RB1: variants seen among roughly 807,000 people sequenced by gnomAD.
RB1 encodes RB transcriptional corepressor 1, also known as retinoblastoma-associated protein.
Under a neutral mutation model 135.4 loss-of-function variants are expected in RB1, and 18 were observed. The observed-to-expected ratio is 0.13, with a 90% CI of 0.09 to 0.20. The LOEUF (loss-of-function observed/expected upper bound fraction) is 0.20. Ranked by LOEUF, RB1 falls within the 10% of genes least tolerant of loss-of-function variation. The pLI is 1.00. For synonymous variants in RB1, 365 were observed against 373.2 expected, an observed-to-expected ratio of 0.98 and a Z score of 0.25; for missense variants, 868 against 1,110.0, an observed-to-expected ratio of 0.78 and a Z score of 3.10.
chr13:48,335,966 T>C (rs1215529455), intron 2 of RB1, among the ~76,000 whole-genome samples: 1 of 151,842 alleles, frequency 6.6e-6, no homozygotes, highest in Non-Finnish European at 1.5e-5. Context: ...AGAAACCCCA[T>C]GAAAAAGTTG....
intron 19 of RB1, among the ~76,000 whole-genome samples, chr13:48,457,547 G>T (rs920731324): frequency 3.9e-5 from 6 of 152,292 alleles, no homozygotes; most frequent in Middle Eastern, 3.4e-3. Context: ...GCCTTCAGGC[G>T]CTCCCTGGCC....
intron 17 of RB1, among the ~76,000 whole-genome samples, chr13:48,430,321 A>T (rs1949116055): frequency 6.6e-6 from 1 of 152,226 alleles, no homozygotes; most frequent in African/African-American, 2.4e-5. Flanking sequence ...TGAAAAAAAG[A>T]GGTAGACTTT....
intron 17 of RB1, among the ~76,000 whole-genome samples, chr13:48,392,631 G>C (rs1021251127): frequency 1.3e-4 from 20 of 151,810 alleles, no homozygotes; most frequent in Non-Finnish European, 2.8e-4. Context: ...TTTTTATTAT[G>C]TTTATGCTTT....
intron 17 of RB1, among the ~76,000 whole-genome samples, chr13:48,430,567 C>T (rs1220966817): frequency 2.0e-5 from 3 of 152,044 alleles, no homozygotes; most frequent in African/African-American, 7.2e-5. Context: ...TGGTGAAACC[C>T]CGTCTCTACT....
intron 2 of RB1, chr13:48,318,793 G>T: frequency 2.5e-6 from 2 of 795,512 alleles, no homozygotes; most frequent in Non-Finnish European, 4.3e-6. Context: ...GGCGGTGAAA[G>T]TGGGCCCTGG....
At chr13:48,348,894 GA>G in intron 5 of RB1, 61 bp from the exon 6 acceptor site, 1 of 1,559,798 alleles carries the variant, frequency 6.4e-7, no homozygotes, top group South Asian at 1.2e-5. Context: ...GATATATCTG[GA>G]AAACTTTCTT....
chr13:48,454,584 T>C (rs1225291601), intron 18 of RB1, among the ~76,000 whole-genome samples: 1 of 152,108 alleles, frequency 6.6e-6, no homozygotes. Flanking sequence ...ACACAGGCAA[T>C]GAACAAGTAA....
At chr13:48,435,134 A>C (rs1344536385) in intron 17 of RB1, among the ~76,000 whole-genome samples, 1 of 152,220 alleles carries the variant, frequency 6.6e-6, no homozygotes, top group Non-Finnish European at 1.5e-5. Context: ...AAAAGACTGC[A>C]AAAGTATTTT....
At chr13:48,437,753 T>A (rs1230619547) in intron 17 of RB1, among the ~76,000 whole-genome samples, 1 of 152,152 alleles carries the variant, frequency 6.6e-6, no homozygotes, top group Non-Finnish European at 1.5e-5. Flanking sequence ...AACTGCAGAT[T>A]TTTATAAATT....
intron 17 of RB1, among the ~76,000 whole-genome samples, chr13:48,403,213 T>G (rs961382254): frequency 2.0e-5 from 3 of 152,178 alleles, no homozygotes; most frequent in Non-Finnish European, 2.9e-5. Context: ...TAACTTGGAT[T>G]GTGCAATTGC....
chr13:48,311,444 A>G (rs1262444130), intron 2 of RB1, among the ~76,000 whole-genome samples: 1 of 152,334 alleles, frequency 6.6e-6, no homozygotes, highest in Non-Finnish European at 1.5e-5. Context: ...GGTATAGCCT[A>G]TGACACACCT....
At chr13:48,382,522 T>C (rs532689045) in intron 17 of RB1, among the ~76,000 whole-genome samples, 4,629 of 152,262 alleles carry the variant, frequency 0.03, 230 homozygotes, top group African/African-American at 0.1. Flanking sequence ...GTTCATATCT[T>C]TCACCCACTT....
At chr13:48,475,935 G>T (rs766196510) in intron 24 of RB1, among the ~76,000 whole-genome samples, 1 of 152,136 alleles carries the variant, frequency 6.6e-6, no homozygotes, top group Non-Finnish European at 1.5e-5. Context: ...ATTTTTGCTT[G>T]CCATAACCTC....
At chr13:48,317,829 C>T in intron 2 of RB1, 1 of 368,804 alleles carries the variant, frequency 2.7e-6, no homozygotes, top group Non-Finnish European at 5.2e-6. Context: ...TCCGCGTGCA[C>T]ACGCCAGGCG....
At chr13:48,318,467 G>A (rs1593421103) in intron 2 of RB1, 1 of 1,340,376 alleles carries the variant, frequency 7.5e-7, no homozygotes, top group Non-Finnish European at 1.0e-6. Flanking sequence ...TCTCGTCCAG[G>A]TGCCTCACCT....
At chr13:48,452,934 A>G (rs952001411) in intron 17 of RB1, 59 bp from the exon 18 acceptor site, 2 of 1,602,752 alleles carry the variant, frequency 1.2e-6, no homozygotes, top group African/African-American at 2.7e-5. Context: ...TGATTTTGAT[A>G]TGTACCTGGG....
chr13:48,316,259 CA>C (rs930682595), intron 2 of RB1, among the ~76,000 whole-genome samples: 3 of 145,324 alleles, frequency 2.1e-5, no homozygotes, highest in African/African-American at 5.2e-5. Context: ...CTCCAAGGAC[CA>C]GGGGGGCGGT....
intron 7 of RB1, among the ~76,000 whole-genome samples, chr13:48,362,493 T>A (rs895412418): frequency 6.9e-6 from 1 of 145,020 alleles, no homozygotes; most frequent in African/African-American, 2.9e-5. Context: ...GACAGAAAAC[T>A]TTTTTTTCCT....
chr13:48,319,893 G>A lies in RB1; in HGVS notation c.264+12487G>A. On this transcript the variant is annotated intron_variant, in intron 2 of 26. Transcript: ENST00000267163. This position sits in a 1 kb window ranked among gnomAD's most constrained non-coding sequence, Gnocchi z 5.0. ...AGTCCTCACTGGATCTCACCTGGCT[G>A]CCAGGGCCACCACCTGAGCCAGGTA... 1 of 331,928 alleles carries A rather than the reference G, an allele frequency of 3.0e-6. No homozygotes were observed. Among genetic ancestry groups the A allele is most frequent in the Non-Finnish European group, 5.9e-6 (1 of 170,906 alleles). The allele number at this position is 331,928 out of a possible 1,614,324, so 20.6% of individuals were successfully genotyped here.
Sources: gnomAD v4.1 joint callset for allele counts (sites outside exome capture counted in the v4.1 genomes callset) on GRCh38, gnomAD v4.1.1 for gene constraint, Gnocchi (gnomAD v3.1) non-coding constraint, MANE v1.5 for transcripts, NCBI Gene and HGNC (gene_info 2026-07-23, HGNC 2026-07-21) for gene names.